TNFAIP8: variants seen among roughly 807,000 people sequenced by gnomAD.
TNFAIP8 encodes the protein TNF alpha induced protein 8, also known as tumor necrosis factor alpha-induced protein 8.
A neutral mutation model predicts 13.3 loss-of-function variants in TNFAIP8; 7 were observed. That is an observed-to-expected ratio of 0.52 (90% CI 0.30 to 0.99). TNFAIP8 has a LOEUF of 0.99. Ranked by LOEUF, TNFAIP8 falls within the 50% of genes least tolerant of loss-of-function variation. The pLI is 0.07. For missense variants in TNFAIP8, 258 were observed against 236.9 expected (o/e 1.09, Z -0.58); for synonymous variants, 94 against 87.6 (o/e 1.07, Z -0.41).
At chr5:119,337,549 C>T (rs1025893636) in intron 1 of TNFAIP8, among the ~76,000 whole-genome samples, 4 of 151,798 alleles carry the variant, frequency 2.6e-5, no homozygotes, top group African/African-American at 4.8e-5. Flanking sequence ...GAGGTAATTT[C>T]GTTATCAAAA....
At chr5:119,299,489 C>T (rs947680764) in intron 1 of TNFAIP8, among the ~76,000 whole-genome samples, 4 of 152,122 alleles carry the variant, frequency 2.6e-5, no homozygotes, top group African/African-American at 9.7e-5. Context: ...GAGGAGTACC[C>T]GGCCGTGTGA....
At position 119,365,219 on chromosome 5, in the gene TNFAIP8, T is replaced by C. The variant is rs1301657340; in HGVS notation, c.31+9098T>C. ...CTCTCTCCTCGTATTTTTTTCTTCC[T>C]GTGACAGGAGTGCATGTCTTAGAAT... On this transcript the variant is annotated intron_variant, in intron 1 of 1. Transcript: ENST00000504771. 3.3e-5 allele frequency among the ~76,000 whole-genome samples: 5 copies of C among 152,192 alleles called. No homozygotes were observed. The East Asian group carries it at 9.6e-4, about 29-fold the overall frequency.
chr5:119,368,746 A>G (rs971910328), intron 1 of TNFAIP8, among the ~76,000 whole-genome samples: 2 of 152,154 alleles, frequency 1.3e-5, no homozygotes, highest in Admixed American at 1.3e-4. Context: ...TCGGGACCCA[A>G]CTAAATTTCA....
intron 1 of TNFAIP8, among the ~76,000 whole-genome samples, chr5:119,317,241 G>A (rs1749926789): frequency 6.6e-6 from 1 of 152,086 alleles, no homozygotes; most frequent in Admixed American, 6.6e-5. Flanking sequence ...GTACTTGAAT[G>A]GCTTGGAAGA....
chr5:119,298,878 C>A, intron 1 of TNFAIP8, among the ~76,000 whole-genome samples: 1 of 152,230 alleles, frequency 6.6e-6, no homozygotes, highest in Non-Finnish European at 1.5e-5. Flanking sequence ...CACTGATACC[C>A]TTTCTTCCAG....
intron 1 of TNFAIP8, among the ~76,000 whole-genome samples, chr5:119,341,535 C>CA (rs1157211645): frequency 2.0e-5 from 3 of 152,224 alleles, no homozygotes; most frequent in Non-Finnish European, 4.4e-5. Context: ...TGCTCAGTCT[C>CA]AGAGGTACCG....
At chr5:119,361,898 T>C (rs140596088) in intron 1 of TNFAIP8, among the ~76,000 whole-genome samples, 1 of 152,344 alleles carries the variant, frequency 6.6e-6, no homozygotes, top group Non-Finnish European at 1.5e-5. Flanking sequence ...TGCTGCCTTC[T>C]TTGAGCCTCA....
At chr5:119,281,287 T>TACACACACACACACACACAC (rs1554167569) in intron 1 of TNFAIP8, among the ~76,000 whole-genome samples, 3 of 112,412 alleles carry the variant, frequency 2.7e-5, no homozygotes, top group East Asian at 3.6e-4. Flanking sequence ...CACACACACA[T>TACACACACACACACACACAC]ACACACACAC....
At chr5:119,390,391 G>A (rs1752846663) in intron 1 of TNFAIP8, among the ~76,000 whole-genome samples, 1 of 151,998 alleles carries the variant, frequency 6.6e-6, no homozygotes, top group South Asian at 2.1e-4. Flanking sequence ...TTAGCTACAT[G>A]GATGCCATTT....
At chr5:119,283,536 T>C (rs1251205666) in intron 1 of TNFAIP8, among the ~76,000 whole-genome samples, 2 of 152,206 alleles carry the variant, frequency 1.3e-5, no homozygotes, top group Non-Finnish European at 2.9e-5. Flanking sequence ...TGATCTCTTA[T>C]TGCAGGTATA....
At chr5:119,363,875 G>A (rs574542874) in intron 1 of TNFAIP8, among the ~76,000 whole-genome samples, 2 of 152,278 alleles carry the variant, frequency 1.3e-5, no homozygotes, top group East Asian at 3.9e-4. Context: ...GTATAAATTG[G>A]GGATTTGCAT....
intron 1 of TNFAIP8, among the ~76,000 whole-genome samples, chr5:119,370,524 A>G (rs947661813): frequency 3.3e-5 from 5 of 152,228 alleles, no homozygotes; most frequent in African/African-American, 4.8e-5. Context: ...CTATAAAATA[A>G]TGGGTAATAA....
upstream of TNFAIP8, among the ~76,000 whole-genome samples, chr5:119,352,888 G>C (rs980791567): frequency 1.1e-4 from 16 of 152,118 alleles, no homozygotes; most frequent in African/African-American, 3.1e-4. Context: ...ATAAGCCCCA[G>C]GTGAGTAGGG....
At chr5:119,276,092 A>G (rs1173214764) in intron 1 of TNFAIP8, among the ~76,000 whole-genome samples, 1 of 151,692 alleles carries the variant, frequency 6.6e-6, no homozygotes, top group Admixed American at 6.6e-5. Context: ...TTACGCTTTA[A>G]TCAGTCTTTC....
At chr5:119,323,382 C>T (rs1400622299) in intron 1 of TNFAIP8, among the ~76,000 whole-genome samples, 2 of 152,180 alleles carry the variant, frequency 1.3e-5, no homozygotes, top group Non-Finnish European at 2.9e-5. Context: ...AGCACATTCC[C>T]ACCCCACCCT....
Position 119,393,305 on chromosome 5 carries a change from C to T in TNFAIP8, c.521C>T (p.Pro174Leu). 6.2e-7 allele frequency: 1 copy of T among 1,613,874 alleles called. No individual in the cohort carries two copies. Among genetic ancestry groups the T allele is most frequent in the East Asian group, 2.2e-5 (1 of 44,884 alleles). Residue 174 changes from proline (P) to leucine (L), a missense_variant, in exon 2 of 2, where the codon CCT becomes CTT. Coordinates refer to ENST00000504771, the MANE Select transcript of TNFAIP8 (RefSeq NM_014350.4). Reference protein sequence around the residue: ...DCEFLAALYNPFGNFKPHLQK... With the variant: ...DCEFLAALYNLFGNFKPHLQK... ...GAATTTTTGGCTGCCTTGTATAATCCTTTTGGGAATTTTAAACCCCACTTA... is the reference window on the plus strand; with the variant it reads ...GAATTTTTGGCTGCCTTGTATAATCTTTTTGGGAATTTTAAACCCCACTTA...
rs1753030398 is a variant in TNFAIP8, at chr5:119,394,639, C to CTTTT, written c.*1259_*1260insTTTT. The stretch of plus-strand genomic sequence containing the variant: ...TTTTTTTTTTTTTTTTTGAGTCTCG[C>CTTTT]TCTGTTGTTTAGGCTAGAATGCAGT... On this transcript the variant is annotated 3_prime_UTR_variant, in exon 2 of 2. Transcript: ENST00000504771. 1.8e-5 allele frequency: 2 copies of CTTTT among 114,060 alleles called. No individual in the cohort carries two copies. The highest frequency in any genetic ancestry group is 9.6e-5 in the African/African-American group (2 of 20,878). 7.1% of individuals were successfully genotyped at this position (114,060 alleles called of 1,614,324 possible).
intron 1 of TNFAIP8, chr5:119,333,284 T>A (rs1363035303): frequency 1.8e-6 from 2 of 1,101,592 alleles, no homozygotes; most frequent in African/African-American, 3.3e-5. Flanking sequence ...CTGTTGTGAA[T>A]GTGGAGACCT....
chr5:119,331,919 G>A (rs917345840), intron 1 of TNFAIP8, among the ~76,000 whole-genome samples: 4 of 152,216 alleles, frequency 2.6e-5, no homozygotes, highest in Non-Finnish European at 1.5e-5. Context: ...AGCCTGCGAA[G>A]TCCTTGTGAT....
Sources: allele counts gnomAD v4.1 joint callset (sites outside exome capture counted in the v4.1 genomes callset), GRCh38; gene constraint gnomAD v4.1.1; transcripts MANE v1.5; gene names NCBI Gene and HGNC (gene_info 2026-07-23, HGNC 2026-07-21).